The following SLC24A2 variants were observed in gnomAD, a reference collection of about 807,000 sequenced individuals.
SLC24A2 encodes solute carrier family 24 member 2.
Under a neutral mutation model 62.0 loss-of-function variants are expected in SLC24A2, and 36 were observed. That is an observed-to-expected ratio of 0.58 (90% CI 0.44 to 0.77). SLC24A2 has a LOEUF of 0.77. Ranked by LOEUF, SLC24A2 falls within the 30% of genes least tolerant of loss-of-function variation. The probability of loss-of-function intolerance (pLI) is 0.00; values close to 1 mark genes in which losing one functional copy is unlikely to be tolerated. For synonymous variants in SLC24A2, 358 were observed against 294.0 expected, an observed-to-expected ratio of 1.22 and a Z score of -2.23; for missense variants, 846 against 817.9, an observed-to-expected ratio of 1.03 and a Z score of -0.42.
At chr9:20,182,064 A>C in the SLC24A2 span, among the ~76,000 whole-genome samples, 7 of 152,372 alleles carry the variant, frequency 4.6e-5, no homozygotes, top group South Asian at 1.4e-3. Context: ...AATGCAAATC[A>C]AAACCACAAT....
chr9:19,937,866 C>T, the SLC24A2 span, among the ~76,000 whole-genome samples: 1 of 152,074 alleles, frequency 6.6e-6, no homozygotes, highest in Non-Finnish European at 1.5e-5. Context: ...TCTGGTACTT[C>T]AGCAATTAGA....
chr9:20,193,802 C>G, the SLC24A2 span, among the ~76,000 whole-genome samples: 1 of 152,100 alleles, frequency 6.6e-6, no homozygotes, highest in African/African-American at 2.4e-5. Context: ...AATGACTTAT[C>G]TACAGAAGTC....
chr9:20,028,554 G>A, the SLC24A2 span, among the ~76,000 whole-genome samples: 1 of 152,080 alleles, frequency 6.6e-6, no homozygotes, highest in South Asian at 2.1e-4. Flanking sequence ...TGACATCCAT[G>A]GGTTCCAAAG....
chr9:19,610,810 C>T (rs1010151233), intron 4 of SLC24A2, among the ~76,000 whole-genome samples: 1 of 152,194 alleles, frequency 6.6e-6, no homozygotes, highest in Non-Finnish European at 1.5e-5. Context: ...ATCTACATGG[C>T]TAGAGACATA....
the SLC24A2 span, among the ~76,000 whole-genome samples, chr9:20,253,473 G>C: frequency 6.6e-6 from 1 of 152,188 alleles, no homozygotes; most frequent in African/African-American, 2.4e-5. Context: ...GTAGATAAAA[G>C]GAGAGAGACC....
the SLC24A2 span, among the ~76,000 whole-genome samples, chr9:20,111,611 G>C: frequency 2.0e-5 from 3 of 152,110 alleles, no homozygotes; most frequent in Non-Finnish European, 4.4e-5. Context: ...GAGCTTGTTA[G>C]AAATGTAGAC....
the SLC24A2 span, among the ~76,000 whole-genome samples, chr9:20,010,591 T>C: frequency 5.9e-5 from 9 of 152,096 alleles, no homozygotes; most frequent in Non-Finnish European, 1.2e-4. Flanking sequence ...AAAACTGAAC[T>C]GAAAAATTCA....
intron 2 of SLC24A2, among the ~76,000 whole-genome samples, chr9:19,657,611 C>G (rs1173067126): frequency 6.6e-6 from 1 of 151,996 alleles, no homozygotes; most frequent in African/African-American, 2.4e-5. Context: ...CTGTTGCTTT[C>G]CCTTATCCCT....
the SLC24A2 span, among the ~76,000 whole-genome samples, chr9:20,241,175 T>C: frequency 6.6e-6 from 1 of 152,246 alleles, no homozygotes; most frequent in African/African-American, 2.4e-5. Context: ...AGTGCTCACC[T>C]GGTGTTAACA....
At chr9:19,762,601 C>G (rs1253975317) in intron 2 of SLC24A2, among the ~76,000 whole-genome samples, 7 of 152,106 alleles carry the variant, frequency 4.6e-5, no homozygotes, top group Non-Finnish European at 1.5e-5. Context: ...TCACATTTGT[C>G]AAAGATCAGA....
the SLC24A2 span, among the ~76,000 whole-genome samples, chr9:20,038,011 G>T: frequency 6.6e-6 from 1 of 152,208 alleles, no homozygotes; most frequent in Non-Finnish European, 1.5e-5. Flanking sequence ...GGGAGGGTTT[G>T]GAGAAAATGA....
the SLC24A2 span, among the ~76,000 whole-genome samples, chr9:20,193,501 T>A: frequency 2.0e-5 from 3 of 151,806 alleles, no homozygotes; most frequent in Non-Finnish European, 4.4e-5. Context: ...AAATTATATA[T>A]AATTTATTTT....
chr9:20,200,283 C>A, the SLC24A2 span, among the ~76,000 whole-genome samples: 4 of 152,316 alleles, frequency 2.6e-5, no homozygotes, highest in Admixed American at 2.0e-4. Flanking sequence ...GGGACACTTT[C>A]ATGTGGAGAT....
At chr9:19,898,471 G>C in the SLC24A2 span, among the ~76,000 whole-genome samples, 10 of 152,130 alleles carry the variant, frequency 6.6e-5, no homozygotes, top group Non-Finnish European at 1.5e-4. Context: ...GGCCTGGCGC[G>C]GTGGCTCACG....
chr9:20,298,593 T>C, the SLC24A2 span, among the ~76,000 whole-genome samples: 1 of 152,254 alleles, frequency 6.6e-6, no homozygotes, highest in African/African-American at 2.4e-5. Context: ...GATACGTTCT[T>C]CCTAATATAC....
At chr9:19,578,301 T>G (rs1836092182) in intron 5 of SLC24A2, among the ~76,000 whole-genome samples, 1 of 149,780 alleles carries the variant, frequency 6.7e-6, no homozygotes. Context: ...GTAACACAAG[T>G]GCGATGTTTC....
At chr9:20,037,957 C>T in the SLC24A2 span, among the ~76,000 whole-genome samples, 1 of 152,112 alleles carries the variant, frequency 6.6e-6, no homozygotes, top group African/African-American at 2.4e-5. Flanking sequence ...AGGATGATTA[C>T]AATATTATCA....
the SLC24A2 span, among the ~76,000 whole-genome samples, chr9:20,255,807 T>C: frequency 6.6e-6 from 1 of 152,180 alleles, no homozygotes; most frequent in South Asian, 2.1e-4. Context: ...GTCAAAGAAT[T>C]CATGGTCATA....
chr9:20,287,673 C>G, the SLC24A2 span, among the ~76,000 whole-genome samples: 1 of 152,286 alleles, frequency 6.6e-6, no homozygotes, highest in Non-Finnish European at 1.5e-5. Context: ...TTCAGTTGAG[C>G]AATGAGGGAA....
Sources: gnomAD v4.1 joint callset for allele counts (sites outside exome capture counted in the v4.1 genomes callset) on GRCh38, gnomAD v4.1.1 for gene constraint, MANE v1.5 for transcripts, NCBI Gene and HGNC (gene_info 2026-07-23, HGNC 2026-07-21) for gene names.